The following STK32B variants were observed in gnomAD, a reference collection of about 807,000 sequenced individuals.
STK32B encodes serine/threonine-protein kinase 32B.
Under a neutral mutation model 52.6 loss-of-function variants are expected in STK32B, and 43 were observed. The observed-to-expected ratio is 0.82, with a 90% CI of 0.64 to 1.05. STK32B has a LOEUF of 1.05. Among genes scored for constraint, STK32B ranks in the 50% least tolerant of loss-of-function variants. The pLI, the probability that STK32B is intolerant of heterozygous loss-of-function variation, is 0.00. For synonymous variants in STK32B, 238 were observed against 204.3 expected, an observed-to-expected ratio of 1.17 and a Z score of -1.41; for missense variants, 621 against 534.6, an observed-to-expected ratio of 1.16 and a Z score of -1.59.
intron 3 of STK32B, among the ~76,000 whole-genome samples, chr4:5,280,736 AAC>A (rs1243621939): frequency 6.6e-6 from 1 of 151,948 alleles, no homozygotes; most frequent in East Asian, 1.9e-4. Flanking sequence ...CTCTACTAAA[AAC>A]ACACAAAAAA....
intron 6 of STK32B, among the ~76,000 whole-genome samples, chr4:5,431,755 C>G (rs1434514125): frequency 6.6e-6 from 1 of 152,132 alleles, no homozygotes; most frequent in African/African-American, 2.4e-5. Flanking sequence ...TAGCATCTCC[C>G]CAAAAAGAGA....
rs1018872923 is a variant in STK32B, at chr4:5,483,665, T to G, written c.1107-15280T>G. Among the ~76,000 whole-genome samples the G allele has an allele frequency of 6.9e-4, 105 of 152,304 alleles. 2 individuals are homozygous for G. The highest frequency in any genetic ancestry group is 2.5e-3 in the African/African-American group (102 of 41,558). ...TGTTTGCTCTTGCTTTTCTAGTTCT[T>G]TTAATTGTGATGTTAGGGTATCAAT... On this transcript the variant is annotated intron_variant, in intron 11 of 11. Transcript: ENST00000282908.
chr4:5,158,809 A>G (rs1718077283), intron 2 of STK32B, among the ~76,000 whole-genome samples: 1 of 152,142 alleles, frequency 6.6e-6, no homozygotes, highest in Non-Finnish European at 1.5e-5. Flanking sequence ...AGACACAGTC[A>G]TACTGGATTG....
chr4:5,351,731 AAGAG>A (rs1448150447), intron 4 of STK32B, among the ~76,000 whole-genome samples: 10 of 152,054 alleles, frequency 6.6e-5, no homozygotes, highest in Non-Finnish European at 1.3e-4. Flanking sequence ...AATAAGAAAA[AAGAG>A]AGAAACCCAA....
chr4:5,027,061 T>C, the STK32B span, among the ~76,000 whole-genome samples: 1 of 152,134 alleles, frequency 6.6e-6, no homozygotes, highest in African/African-American at 2.4e-5. Flanking sequence ...GGTGTTGGGG[T>C]TGGGGTAGAC....
chr4:5,191,055 G>A (rs1721160773), intron 3 of STK32B, among the ~76,000 whole-genome samples: 1 of 152,278 alleles, frequency 6.6e-6, no homozygotes, highest in East Asian at 1.9e-4. Flanking sequence ...CCAGCCAGTG[G>A]CATCTTATCT....
In STK32B at chr4:5,283,193, A is replaced by T. The variant is rs973738385; in HGVS notation, c.261-48027A>T. Among the ~76,000 whole-genome samples, 14 of 152,196 alleles carry T rather than the reference A, an allele frequency of 9.2e-5. 1 individual carries two copies. The highest frequency in any genetic ancestry group is 3.4e-4 in the African/African-American group (14 of 41,532). On this transcript the variant is annotated intron_variant, in intron 3 of 11. Transcript: ENST00000282908. Reference sequence around the variant, plus strand: ...GTATTTCCCTCCCTGTGCCTGGCTTATTTCGCTGAGCATAATGTGCTCCAG... The same window carrying T: ...GTATTTCCCTCCCTGTGCCTGGCTTTTTTCGCTGAGCATAATGTGCTCCAG...
At chr4:5,491,414 T>C (rs1198714998) in intron 11 of STK32B, among the ~76,000 whole-genome samples, 2 of 152,236 alleles carry the variant, frequency 1.3e-5, no homozygotes, top group Non-Finnish European at 2.9e-5. Flanking sequence ...CACCCACTTT[T>C]TGATGGGGTT....
At chr4:5,224,366 G>T (rs1723733145) in intron 3 of STK32B, among the ~76,000 whole-genome samples, 1 of 152,110 alleles carries the variant, frequency 6.6e-6, no homozygotes, top group Non-Finnish European at 1.5e-5. Flanking sequence ...ATCTTTTTTG[G>T]AGGGCTTCTC....
chr4:5,052,280 C>G (rs1741819954), intron 1 of STK32B, among the ~76,000 whole-genome samples: 1 of 152,092 alleles, frequency 6.6e-6, no homozygotes, highest in African/African-American at 2.4e-5. Flanking sequence ...CCTTGAGAGC[C>G]TGAGGCTGAC....
At chr4:5,487,533 C>G (rs760167004) in intron 11 of STK32B, among the ~76,000 whole-genome samples, 4 of 152,108 alleles carry the variant, frequency 2.6e-5, no homozygotes, top group Non-Finnish European at 4.4e-5. Flanking sequence ...CTGGGTGAGA[C>G]GTGTTGTAGC....
chr4:5,259,495 C>G (rs570478351), intron 3 of STK32B, among the ~76,000 whole-genome samples: 4 of 152,286 alleles, frequency 2.6e-5, no homozygotes, highest in South Asian at 2.1e-4. Flanking sequence ...TACTCAACAT[C>G]TTTGGACCTC....
intron 1 of STK32B, among the ~76,000 whole-genome samples, chr4:5,082,525 T>G (rs957968790): frequency 6.6e-6 from 1 of 152,334 alleles, no homozygotes; most frequent in African/African-American, 2.4e-5. Flanking sequence ...AGCCCTGTTG[T>G]CATGGGGATT....
intron 6 of STK32B, among the ~76,000 whole-genome samples, chr4:5,444,211 C>G (rs1715124119): frequency 6.6e-6 from 1 of 152,230 alleles, no homozygotes; most frequent in Non-Finnish European, 1.5e-5. Flanking sequence ...TCGCTGCCGC[C>G]TTGCAGTTTG....
intron 1 of STK32B, among the ~76,000 whole-genome samples, chr4:5,057,514 T>G (rs1456999672): frequency 6.6e-6 from 1 of 152,198 alleles, no homozygotes; most frequent in Admixed American, 6.5e-5. Context: ...TTTCCCTGCT[T>G]CTTTCTAGGT....
chr4:5,278,779 G>A lies in STK32B; in HGVS notation c.261-52441G>A, dbSNP rs553781013. Among the ~76,000 whole-genome samples, 145 of 152,208 alleles carry A rather than the reference G, an allele frequency of 9.5e-4. 1 individual carries two copies. The highest frequency in any genetic ancestry group is 3.3e-3 in the African/African-American group (139 of 41,520). On this transcript the variant is annotated intron_variant, in intron 3 of 11. Transcript: ENST00000282908. ...CACAGGCTGTACAGGAAGCATGGCT[G>A]GGAAGACCTCAGGAAGCTTACAGTT...
intron 4 of STK32B, among the ~76,000 whole-genome samples, chr4:5,366,335 C>A (rs1734875169): frequency 6.6e-6 from 1 of 152,234 alleles, no homozygotes; most frequent in Admixed American, 6.5e-5. Context: ...CTTCCTCTTA[C>A]CTTCCCAAAG....
intron 3 of STK32B, among the ~76,000 whole-genome samples, chr4:5,324,471 G>A (rs1027908387): frequency 1.3e-5 from 2 of 152,116 alleles, no homozygotes; most frequent in Non-Finnish European, 1.5e-5. Flanking sequence ...CTCAGTTTCC[G>A]GGGTTAGGGA....
chr4:5,367,591 G>C (rs1310194342), intron 4 of STK32B, among the ~76,000 whole-genome samples: 2 of 152,160 alleles, frequency 1.3e-5, no homozygotes, highest in African/African-American at 2.4e-5. Context: ...CCTCTGGCTT[G>C]TTGATATCAA....
Sources: gnomAD v4.1 joint callset for allele counts (sites outside exome capture counted in the v4.1 genomes callset) on GRCh38, gnomAD v4.1.1 for gene constraint, MANE v1.5 for transcripts, NCBI Gene and HGNC (gene_info 2026-07-23, HGNC 2026-07-21) for gene names.